Variants in RERE observed in about 807,000 individuals in gnomAD.
The protein encoded by RERE is arginine-glutamic acid dipeptide repeats protein.
RERE carries 40 observed loss-of-function variants against 146.1 expected under a neutral mutation model. That is an observed-to-expected ratio of 0.27 (90% CI 0.21 to 0.36). The LOEUF (loss-of-function observed/expected upper bound fraction) is 0.36. RERE is among the 10% of genes least tolerant of loss of function. The pLI is 1.00. For missense variants in RERE, 1,933 were observed against 2,138.7 expected (o/e 0.90, Z 1.90); for synonymous variants, 1,003 against 866.0 (o/e 1.16, Z -2.78).
intron 4 of RERE, among the ~76,000 whole-genome samples, chr1:8,559,766 T>C (rs1646056166): frequency 6.6e-6 from 1 of 152,100 alleles, no homozygotes; most frequent in African/African-American, 2.4e-5. Flanking sequence ...ACGAAGCCAT[T>C]CTGGGGAAAT....
intron 1 of RERE, among the ~76,000 whole-genome samples, chr1:8,816,235 ATCT>A (rs1641908796): frequency 6.6e-6 from 1 of 151,822 alleles, no homozygotes; most frequent in Admixed American, 6.6e-5. Flanking sequence ...CTTACTAGTT[ATCT>A]TTTTTTGCGT....
At chr1:8,745,525 G>T (rs762164960) in intron 1 of RERE, among the ~76,000 whole-genome samples, 1 of 151,968 alleles carries the variant, frequency 6.6e-6, no homozygotes, top group East Asian at 1.9e-4. Flanking sequence ...CCAGACCACC[G>T]TTGGCCTAGG....
At chr1:8,478,906 C>G (rs1644795444) in intron 10 of RERE, among the ~76,000 whole-genome samples, 1 of 152,116 alleles carries the variant, frequency 6.6e-6, no homozygotes, top group Non-Finnish European at 1.5e-5. Context: ...GAGGTCAGAA[C>G]ATATCAATTA....
chr1:8,642,935 T>A (rs1274212453), intron 2 of RERE, among the ~76,000 whole-genome samples: 2 of 152,192 alleles, frequency 1.3e-5, no homozygotes, highest in South Asian at 2.1e-4. Flanking sequence ...AGCAGCTAAC[T>A]CTGCCTGCGC....
At chr1:8,727,204 G>A (rs559550404) in intron 1 of RERE, among the ~76,000 whole-genome samples, 43 of 151,794 alleles carry the variant, frequency 2.8e-4, no homozygotes, top group East Asian at 3.9e-4. Context: ...GTGCAGTGGC[G>A]CGATCTCGGC....
intron 1 of RERE, among the ~76,000 whole-genome samples, chr1:8,715,913 G>A (rs1639754946): frequency 1.3e-5 from 2 of 151,880 alleles, no homozygotes; most frequent in Admixed American, 1.3e-4. Flanking sequence ...GGGCGGGACG[G>A]GCGGGGAAGA....
At chr1:8,610,280 G>A (rs530079878) in intron 4 of RERE, among the ~76,000 whole-genome samples, 1 of 152,092 alleles carries the variant, frequency 6.6e-6, no homozygotes, top group African/African-American at 2.4e-5. Flanking sequence ...AGACTTTATG[G>A]ATTTCAGATT....
At chr1:8,402,015 C>T (rs915645933) in intron 12 of RERE, among the ~76,000 whole-genome samples, 3 of 152,078 alleles carry the variant, frequency 2.0e-5, no homozygotes, top group Non-Finnish European at 4.4e-5. Context: ...GGGCTACAGG[C>T]GTGCGCCACC....
chr1:8,766,546 CAA>C (rs60530407), intron 1 of RERE, among the ~76,000 whole-genome samples: 16 of 65,970 alleles, frequency 2.4e-4, no homozygotes, highest in Non-Finnish European at 3.9e-4. Flanking sequence ...GACTCCATTG[CAA>C]AAAAAAAAAA....
rs1179393976 is a variant in RERE at position 8,491,117 on chromosome 1, A to G, written c.1104+3946T>C. 1.3e-5 allele frequency among the ~76,000 whole-genome samples: 2 copies of G among 150,664 alleles called. 1 individual carries two copies. Among genetic ancestry groups the G allele is most frequent in the African/African-American group, 5.0e-5 (2 of 39,948 alleles). On this transcript the variant is annotated intron_variant, in intron 10 of 22. Transcript: ENST00000400908. ...CATAAAGAACTGATAGCTCTGGGCA[A>G]CATTGTGAGACATCATCTCTGCAAG...
intron 8 of RERE, among the ~76,000 whole-genome samples, chr1:8,506,492 G>A (rs1645251546): frequency 6.6e-6 from 1 of 152,338 alleles, no homozygotes; most frequent in Admixed American, 6.5e-5. Context: ...ACACAATTTA[G>A]AAATGCTCAA....
At chr1:8,750,647 A>C in intron 1 of RERE, 1 of 920,142 alleles carries the variant, frequency 1.1e-6, no homozygotes, top group Non-Finnish European at 1.8e-6. Flanking sequence ...AATGGCAAGG[A>C]TGGCAAGAAA....
At chr1:8,381,034 C>T (rs1373362873) in intron 12 of RERE, 4 of 456,474 alleles carry the variant, frequency 8.8e-6, no homozygotes, top group South Asian at 3.1e-5. Context: ...ACACCTGGAA[C>T]GCCTTCTCCT....
intron 6 of RERE, among the ~76,000 whole-genome samples, chr1:8,554,292 T>C (rs1190626226): frequency 1.3e-5 from 2 of 152,200 alleles, no homozygotes; most frequent in East Asian, 1.9e-4. Context: ...ATCTCACATA[T>C]TTGTTCAACT....
At chr1:8,528,650 T>C (rs1403329814) in intron 7 of RERE, among the ~76,000 whole-genome samples, 2 of 152,122 alleles carry the variant, frequency 1.3e-5, no homozygotes, top group East Asian at 3.9e-4. Context: ...TCAAAGGAAA[T>C]ACTGGAACGT....
intron 10 of RERE, among the ~76,000 whole-genome samples, chr1:8,480,094 A>G (rs192051048): frequency 4.6e-5 from 7 of 152,020 alleles, no homozygotes; most frequent in Non-Finnish European, 8.8e-5. Context: ...CCAAATAAAT[A>G]AATGAATATA....
chr1:8,584,957 G>A (rs1646409108), intron 4 of RERE, among the ~76,000 whole-genome samples: 1 of 151,978 alleles, frequency 6.6e-6, no homozygotes, highest in Non-Finnish European at 1.5e-5. Flanking sequence ...GACCAGCTTG[G>A]CCAACGTGGT....
rs752416603 is a variant in RERE at position 8,356,218 on chromosome 1, G to A, written c.4368C>T (p.Val1456=). The part of the protein sequence containing the change: ...QGSAGPVHPL[V]DPLTAGPHLA... ...GGTGGGGACCGGCAGTCAGGGGGTC[G>A]ACCAGCGGGTGAACGGGGCCTGCTG... Residue 1456 remains valine (V), a synonymous_variant, in exon 21 of 23, where the codon GTC becomes GTT. Coordinates refer to ENST00000400908, the MANE Select transcript of RERE (RefSeq NM_001042681.2). This position sits in a 1 kb window ranked among gnomAD's most constrained non-coding sequence, Gnocchi z 5.2. 4.9e-5 allele frequency: 74 copies of A among 1,524,912 alleles called. No homozygotes were observed. The highest frequency in any genetic ancestry group is 3.4e-4 in the Middle Eastern group (2 of 5,832). The allele number at this position is 1,524,912 out of a possible 1,614,324, so 94.5% of individuals were successfully genotyped here.
chr1:8,438,967 A>G (rs899848983), intron 11 of RERE, among the ~76,000 whole-genome samples: 1 of 152,162 alleles, frequency 6.6e-6, no homozygotes, highest in African/African-American at 2.4e-5. Flanking sequence ...TCTTGGTTTA[A>G]AAAAGAAAAA....
Sources: gnomAD v4.1 joint callset for allele counts (sites outside exome capture counted in the v4.1 genomes callset) on GRCh38, gnomAD v4.1.1 for gene constraint, Gnocchi (gnomAD v3.1) non-coding constraint, MANE v1.5 for transcripts, NCBI Gene and HGNC (gene_info 2026-07-23, HGNC 2026-07-21) for gene names.